The following CNTN5 variants were observed in gnomAD, a reference collection of about 807,000 sequenced individuals.
CNTN5 encodes contactin 5, also known as contactin-5.
A neutral mutation model predicts 129.1 loss-of-function variants in CNTN5; 77 were observed. The observed-to-expected ratio is 0.60, with a 90% CI of 0.50 to 0.72. The LOEUF (loss-of-function observed/expected upper bound fraction) is 0.72, where lower values mean the gene tolerates loss of function less well. Among genes scored for constraint, CNTN5 ranks in the 30% least tolerant of loss-of-function variants. The probability of loss-of-function intolerance (pLI) is 0.00; values close to 1 mark genes in which losing one functional copy is unlikely to be tolerated. For missense variants in CNTN5, 1,478 were observed against 1,328.8 expected, an observed-to-expected ratio of 1.11 and a Z score of -1.75; for synonymous variants, 509 against 465.6, an observed-to-expected ratio of 1.09 and a Z score of -1.20.
At chr11:100,058,813 A>C (rs1403946697) in intron 9 of CNTN5, among the ~76,000 whole-genome samples, 1 of 152,200 alleles carries the variant, frequency 6.6e-6, no homozygotes, top group East Asian at 1.9e-4. Flanking sequence ...CTGTTACAAG[A>C]GACATAAGTA....
chr11:99,643,545 C>A (rs1951845115), intron 3 of CNTN5, among the ~76,000 whole-genome samples: 1 of 151,976 alleles, frequency 6.6e-6, no homozygotes, highest in Non-Finnish European at 1.5e-5. Context: ...AGTGAATGTA[C>A]ATATATTATT....
At chr11:99,445,409 T>C (rs1291394211) in intron 2 of CNTN5, among the ~76,000 whole-genome samples, 1 of 152,180 alleles carries the variant, frequency 6.6e-6, no homozygotes. Flanking sequence ...TTAATAACAG[T>C]TAATTTCCTT....
chr11:100,350,561 T>G, intron 23 of CNTN5, 141 bp from the exon 24 acceptor site: 1 of 564,308 alleles, frequency 1.8e-6, no homozygotes. Context: ...TGCAGTAGAC[T>G]GCACATGTAT....
Position 99,656,032 on chromosome 11 carries a change from GTGTA to G in CNTN5, c.55+99767_55+99770del, listed in dbSNP as rs555590129. Among the ~76,000 whole-genome samples, 341 of 152,114 alleles carry G rather than the reference GTGTA, an allele frequency of 2.2e-3. 1 individual carries two copies. Among genetic ancestry groups the G allele is most frequent in the African/African-American group, 7.5e-3 (310 of 41,526 alleles). ...GTAGCACCTCTGAATACAGGTATGT[GTGTA>G]TGTGTGTATATAGGTATAAGTGTGT... On this transcript the variant is annotated intron_variant, in intron 3 of 24. Coordinates refer to ENST00000524871, the MANE Select transcript of CNTN5 (RefSeq NM_014361.4).
Position 99,626,946 on chromosome 11 carries a change from C to A in CNTN5, c.55+70677C>A, listed in dbSNP as rs546616243. 2.6e-5 allele frequency among the ~76,000 whole-genome samples: 4 copies of A among 152,218 alleles called. No homozygotes were observed. The South Asian group carries it at 8.3e-4, about 32-fold the overall frequency. On this transcript the variant is annotated intron_variant, in intron 3 of 24. Transcript: ENST00000524871. ...AAAATGGTAAATTAAAGTACCATTT[C>A]TCTGCTATATTATCCTTAGTCAGCT...
intron 2 of CNTN5, among the ~76,000 whole-genome samples, chr11:99,350,759 T>G (rs1938240520): frequency 6.6e-6 from 1 of 151,954 alleles, no homozygotes; most frequent in African/African-American, 2.4e-5. Context: ...AAAAATGTCA[T>G]GTATGATAAA....
chr11:99,146,949 TG>T (rs1859814396), intron 1 of CNTN5, among the ~76,000 whole-genome samples: 2 of 152,250 alleles, frequency 1.3e-5, no homozygotes, highest in South Asian at 4.1e-4. Context: ...CCTGAACTCC[TG>T]GGCTCAAGCA....
At chr11:99,956,597 G>A (rs1950808245) in intron 7 of CNTN5, among the ~76,000 whole-genome samples, 1 of 152,022 alleles carries the variant, frequency 6.6e-6, no homozygotes, top group Non-Finnish European at 1.5e-5. Flanking sequence ...AACGAGTCAA[G>A]GTCAGACATC....
At chr11:99,927,042 A>G (rs1265680182) in intron 7 of CNTN5, among the ~76,000 whole-genome samples, 1 of 152,194 alleles carries the variant, frequency 6.6e-6, no homozygotes, top group Non-Finnish European at 1.5e-5. Context: ...ATTAGTCATT[A>G]TTATGTGATT....
chr11:100,324,089 G>C (rs1018964345), intron 21 of CNTN5, among the ~76,000 whole-genome samples: 1 of 152,082 alleles, frequency 6.6e-6, no homozygotes, highest in African/African-American at 2.4e-5. Flanking sequence ...TTAGGAAAAC[G>C]AATATAGATA....
At chr11:99,422,516 TTTTATATATATATATA>T (rs1434427512) in intron 2 of CNTN5, among the ~76,000 whole-genome samples, 7,588 of 100,374 alleles carry the variant, frequency 0.076, 330 homozygotes, top group East Asian at 0.18. Context: ...TACTTTATAT[TTTTATATATATATATA>T]TATATATATA....
chr11:99,637,953 T>C (rs939050807), intron 3 of CNTN5, among the ~76,000 whole-genome samples: 2 of 152,158 alleles, frequency 1.3e-5, no homozygotes, highest in Admixed American at 6.5e-5. Context: ...TGTTTTTATT[T>C]TTGGTTTATA....
intron 2 of CNTN5, among the ~76,000 whole-genome samples, chr11:99,426,980 A>G (rs1209424085): frequency 6.6e-6 from 1 of 152,230 alleles, no homozygotes; most frequent in African/African-American, 2.4e-5. Context: ...TAAGCAAATC[A>G]GAAACTTAAT....
At chr11:99,613,089 C>T (rs139564234) in intron 3 of CNTN5, among the ~76,000 whole-genome samples, 108 of 152,266 alleles carry the variant, frequency 7.1e-4, no homozygotes, top group Admixed American at 1.6e-3. Context: ...AACCACGATG[C>T]TCACAGGCAC....
At chr11:99,093,406 C>G (rs1214492977) in intron 1 of CNTN5, among the ~76,000 whole-genome samples, 1 of 150,300 alleles carries the variant, frequency 6.7e-6, no homozygotes, top group Non-Finnish European at 1.5e-5. Context: ...CGCTGGACAA[C>G]ACAACAGAAG....
chr11:99,876,005 T>C (rs938335456), intron 6 of CNTN5, among the ~76,000 whole-genome samples: 13 of 152,152 alleles, frequency 8.5e-5, no homozygotes, highest in African/African-American at 2.9e-4. Context: ...TGGACATTGA[T>C]AATTTAATAC....
chr11:99,036,361 A>G (rs952783355), intron 1 of CNTN5, among the ~76,000 whole-genome samples: 2 of 152,036 alleles, frequency 1.3e-5, no homozygotes, highest in Non-Finnish European at 2.9e-5. Context: ...CATTTTATAC[A>G]TGTATCATTC....
chr11:99,711,136 C>T (rs1954970662), intron 3 of CNTN5, among the ~76,000 whole-genome samples: 1 of 151,840 alleles, frequency 6.6e-6, no homozygotes, highest in Non-Finnish European at 1.5e-5. Context: ...TGTTCCTTCA[C>T]CTTACAAAAA....
intron 10 of CNTN5, among the ~76,000 whole-genome samples, chr11:100,065,227 C>T (rs1282483857): frequency 1.3e-5 from 2 of 152,070 alleles, no homozygotes; most frequent in Non-Finnish European, 2.9e-5. Flanking sequence ...AGTATCCTCA[C>T]AAATGTTAAT....
Sources: allele counts gnomAD v4.1 joint callset (sites outside exome capture counted in the v4.1 genomes callset), GRCh38; gene constraint gnomAD v4.1.1; transcripts MANE v1.5; gene names NCBI Gene and HGNC (gene_info 2026-07-23, HGNC 2026-07-21).